The following RASSF8 variants were observed in gnomAD, a reference collection of about 807,000 sequenced individuals.
RASSF8 encodes ras association domain-containing protein 8.
A neutral mutation model predicts 48.5 loss-of-function variants in RASSF8; 22 were observed. The observed-to-expected ratio is 0.45, with a 90% CI of 0.32 to 0.65. The LOEUF (loss-of-function observed/expected upper bound fraction) is 0.65. Ranked by LOEUF, RASSF8 falls within the 30% of genes least tolerant of loss-of-function variation. RASSF8 has a pLI of 0.03. For synonymous variants in RASSF8, 127 were observed against 171.5 expected, an observed-to-expected ratio of 0.74 and a Z score of 2.03; for missense variants, 418 against 489.2, an observed-to-expected ratio of 0.85 and a Z score of 1.37.
At chr12:26,045,738 AT>A (rs1389317968) in intron 2 of RASSF8, among the ~76,000 whole-genome samples, 1 of 152,252 alleles carries the variant, frequency 6.6e-6, no homozygotes, top group East Asian at 1.9e-4. Context: ...TGGATAAAAA[AT>A]AAATGTCTTT....
intron 1 of RASSF8, among the ~76,000 whole-genome samples, chr12:25,979,454 G>T (rs1307554122): frequency 6.6e-6 from 1 of 152,062 alleles, no homozygotes; most frequent in Non-Finnish European, 1.5e-5. Context: ...GAACAGTGAG[G>T]TTAGCACTGA....
chr12:26,003,232 T>A (rs1298326649), intron 2 of RASSF8, among the ~76,000 whole-genome samples: 2 of 152,248 alleles, frequency 1.3e-5, no homozygotes, highest in African/African-American at 4.8e-5. Flanking sequence ...TTATCCTTGA[T>A]TTTGTTTAGG....
chr12:26,069,012 A>G lies in RASSF8; in HGVS notation c.*194A>G. ...GAACAAAGAAACTGTGTTTTCACAC[A>G]TCAACAGTGTTGATATTTTTGTCCA... On this transcript the variant is annotated 3_prime_UTR_variant, in exon 6 of 6. Transcript: ENST00000689635. The G allele has an allele frequency of 7.7e-7, 1 of 1,299,154 alleles. No individual in the cohort carries two copies. The highest frequency in any genetic ancestry group is 9.8e-7 in the Non-Finnish European group (1 of 1,021,568). 80.5% of individuals were successfully genotyped at this position (1,299,154 alleles called of 1,614,324 possible).
At chr12:26,064,417 A>G (rs1253333706) in intron 3 of RASSF8, 81 bp from the exon 4 acceptor site, 12 of 1,341,808 alleles carry the variant, frequency 8.9e-6, no homozygotes, top group African/African-American at 1.5e-5. Flanking sequence ...AAAATACACA[A>G]TCATCAAATG....
chr12:25,970,881 C>T (rs1199085341), intron 1 of RASSF8, among the ~76,000 whole-genome samples: 3 of 152,166 alleles, frequency 2.0e-5, no homozygotes, highest in Non-Finnish European at 2.9e-5. Flanking sequence ...ATGGTTCATC[C>T]TCTTTTTTGC....
intron 2 of RASSF8, among the ~76,000 whole-genome samples, chr12:26,015,986 A>C (rs1942640135): frequency 6.6e-6 from 1 of 152,132 alleles, no homozygotes; most frequent in East Asian, 1.9e-4. Context: ...GGAGTTTATA[A>C]TTTGTTACCA....
At chr12:25,971,151 G>C (rs1327630919) in intron 1 of RASSF8, among the ~76,000 whole-genome samples, 1 of 152,206 alleles carries the variant, frequency 6.6e-6, no homozygotes, top group Non-Finnish European at 1.5e-5. Context: ...TTCAAGGAAT[G>C]CAAGTTGGTT....
chr12:26,005,256 A>G (rs1323237244), intron 2 of RASSF8, among the ~76,000 whole-genome samples: 1 of 152,138 alleles, frequency 6.6e-6, no homozygotes, highest in Non-Finnish European at 1.5e-5. Context: ...TTAATCTTAA[A>G]GGCAGATAGG....
intron 2 of RASSF8, among the ~76,000 whole-genome samples, chr12:26,002,026 A>G (rs1038566792): frequency 1.3e-5 from 2 of 152,384 alleles, no homozygotes; most frequent in Admixed American, 1.3e-4. Context: ...CTAGGCCAGT[A>G]GGAATTTTTC....
rs550370503 is a variant in RASSF8, at chr12:26,069,476, C to G, written c.*658C>G. On this transcript the variant is annotated 3_prime_UTR_variant, in exon 6 of 6. Coordinates refer to ENST00000689635, the MANE Select transcript of RASSF8 (RefSeq NM_001394098.1). The stretch of plus-strand genomic sequence containing the variant: ...TTCCTTTACAATATTTCCAAATATA[C>G]GTGTGGCCACAGAGCATAACAGATA... The G allele has an allele frequency of 1.0e-6, 1 of 985,248 alleles. No individual in the cohort carries two copies. Among genetic ancestry groups the G allele is most frequent in the African/African-American group, 1.7e-5 (1 of 57,222 alleles). 61.0% of individuals were successfully genotyped at this position (985,248 alleles called of 1,614,324 possible).
At chr12:25,967,274 C>G (rs538739401) in intron 1 of RASSF8, among the ~76,000 whole-genome samples, 1 of 152,298 alleles carries the variant, frequency 6.6e-6, no homozygotes, top group South Asian at 2.1e-4. Flanking sequence ...CATTCCTTCT[C>G]CCTCTTTTCC....
chr12:26,003,580 A>C (rs1296380387), intron 2 of RASSF8, among the ~76,000 whole-genome samples: 1 of 152,190 alleles, frequency 6.6e-6, no homozygotes, highest in Admixed American at 6.5e-5. Flanking sequence ...AAAAGTGACA[A>C]TATCAGGACA....
chr12:26,065,622 T>G (rs1009095045), intron 4 of RASSF8, among the ~76,000 whole-genome samples: 2 of 152,170 alleles, frequency 1.3e-5, no homozygotes, highest in Admixed American at 1.3e-4. Flanking sequence ...CGTTAGATAA[T>G]GGGATGGAAT....
chr12:25,977,664 T>G (rs1179350753), intron 1 of RASSF8, among the ~76,000 whole-genome samples: 1 of 144,484 alleles, frequency 6.9e-6, no homozygotes, highest in Non-Finnish European at 1.5e-5. Context: ...TTAAAATATT[T>G]GTAAGGCAAA....
intron 1 of RASSF8, among the ~76,000 whole-genome samples, chr12:25,988,759 G>C (rs1001155563): frequency 6.6e-6 from 1 of 152,140 alleles, no homozygotes; most frequent in African/African-American, 2.4e-5. Flanking sequence ...TCCTGTGCTA[G>C]GTGGTGGGAC....
intron 2 of RASSF8, among the ~76,000 whole-genome samples, chr12:26,039,401 C>T (rs1388623646): frequency 6.7e-6 from 1 of 149,066 alleles, no homozygotes; most frequent in South Asian, 2.1e-4. Context: ...GGGCTTGGGA[C>T]TTGAGTTCTT....
At chr12:25,982,863 A>G (rs1941776357) in intron 1 of RASSF8, among the ~76,000 whole-genome samples, 1 of 152,234 alleles carries the variant, frequency 6.6e-6, no homozygotes, top group Non-Finnish European at 1.5e-5. Flanking sequence ...TTTATAACCA[A>G]TAATAATCAG....
At chr12:26,015,145 T>G (rs1450461520) in intron 2 of RASSF8, among the ~76,000 whole-genome samples, 1 of 151,808 alleles carries the variant, frequency 6.6e-6, no homozygotes, top group East Asian at 1.9e-4. Context: ...AAGTCGAGGC[T>G]TCAGTGAGCT....
Position 26,027,171 on chromosome 12 carries a change from C to T in RASSF8, c.-108-28065C>T, listed in dbSNP as rs554575375. Among the ~76,000 whole-genome samples the T allele has an allele frequency of 5.3e-5, 8 of 152,194 alleles. No homozygotes were observed. The East Asian group carries it at 5.8e-4, about 11-fold the overall frequency. On this transcript the variant is annotated intron_variant, in intron 2 of 5. Transcript: ENST00000689635. ...TAGAGACTGAAAGGAAGTAAATGAT[C>T]GCCTATGGCTGGGGATTTGATGGGA...
Sources: allele counts gnomAD v4.1 joint callset (sites outside exome capture counted in the v4.1 genomes callset), GRCh38; gene constraint gnomAD v4.1.1; transcripts MANE v1.5; gene names NCBI Gene and HGNC (gene_info 2026-07-23, HGNC 2026-07-21).